The following UBE2L3 variants were observed in gnomAD, a reference collection of about 807,000 sequenced individuals.
UBE2L3 encodes ubiquitin conjugating enzyme E2 L3, also known as ubiquitin-conjugating enzyme E2 L3.
Under a neutral mutation model 17.8 loss-of-function variants are expected in UBE2L3, and 1 was observed. The ratio of observed to expected loss-of-function variants is 0.06; its 90% CI spans 0.02 to 0.27. The LOEUF is 0.27. Ranked by LOEUF, UBE2L3 falls within the 10% of genes least tolerant of loss-of-function variation. UBE2L3 has a pLI of 1.00. For missense variants in UBE2L3, 40 were observed against 192.6 expected, an observed-to-expected ratio of 0.21 and a Z score of 4.69; for synonymous variants, 44 against 68.5, an observed-to-expected ratio of 0.64 and a Z score of 1.76.
chr22:21,561,976 C>T (rs1568966257), intron 1 of UBE2L3, among the ~76,000 whole-genome samples: 2 of 152,104 alleles, frequency 1.3e-5, no homozygotes, highest in South Asian at 2.1e-4. Context: ...GTGTCCAGTG[C>T]CCATTTCCTG....
At position 21,586,281 on chromosome 22, in the gene UBE2L3, C is replaced by T. The variant is rs138663063; in HGVS notation, c.28-6580C>T. On this transcript the variant is annotated intron_variant, in intron 1 of 3. Transcript: ENST00000342192. ...TTTTATTTATTTTATTTTGTTGAGA[C>T]GGAGTCTCACTCTGGGAGTCTGCAC... is the stretch of plus-strand genomic sequence containing the variant. Among the ~76,000 whole-genome samples, 1,478 of 151,960 alleles carry T rather than the reference C, an allele frequency of 9.7e-3. 29 individuals are homozygous for T. The highest frequency in any genetic ancestry group is 0.034 in the African/African-American group (1,402 of 41,430).
chr22:21,587,457 G>A (rs1325044186), intron 1 of UBE2L3, among the ~76,000 whole-genome samples: 1 of 152,208 alleles, frequency 6.6e-6, no homozygotes, highest in African/African-American at 2.4e-5. Context: ...GGGATTACAG[G>A]TGTGAGCCAC....
chr22:21,577,592 G>A (rs1927385803), intron 1 of UBE2L3, among the ~76,000 whole-genome samples: 1 of 152,150 alleles, frequency 6.6e-6, no homozygotes, highest in African/African-American at 2.4e-5. Flanking sequence ...GTGGAGCCAG[G>A]CCCAACATCA....
At chr22:21,587,672 C>T (rs572084959) in intron 1 of UBE2L3, among the ~76,000 whole-genome samples, 4 of 152,330 alleles carry the variant, frequency 2.6e-5, no homozygotes, top group African/African-American at 7.2e-5. Flanking sequence ...TGGCTATATA[C>T]AGCAGTGTCC....
chr22:21,562,309 C>T (rs1926465498), intron 1 of UBE2L3, among the ~76,000 whole-genome samples: 1 of 151,368 alleles, frequency 6.6e-6, no homozygotes, highest in South Asian at 2.1e-4. Flanking sequence ...ATTCTCCTGC[C>T]TCAGTCTCCT....
At chr22:21,621,420 G>A (rs901106296) in intron 3 of UBE2L3, 95 bp from the exon 4 acceptor site, 56 of 1,438,254 alleles carry the variant, frequency 3.9e-5, no homozygotes, top group Non-Finnish European at 5.1e-5. Flanking sequence ...TAAATCAGTT[G>A]TAAAGCCAGA....
chr22:21,568,394 G>C, intron 1 of UBE2L3: 6 of 985,454 alleles, frequency 6.1e-6, no homozygotes, highest in Non-Finnish European at 7.2e-6. Context: ...TCCAACTCCA[G>C]GAAGGCCTGA....
chr22:21,614,277 C>CTT (rs779529633), intron 3 of UBE2L3, among the ~76,000 whole-genome samples: 30 of 152,138 alleles, frequency 2.0e-4, no homozygotes, highest in Non-Finnish European at 3.5e-4. Flanking sequence ...TCATTTGTTT[C>CTT]TTAAATATGG....
At chr22:21,587,251 C>T (rs1030278038) in intron 1 of UBE2L3, among the ~76,000 whole-genome samples, 1 of 148,778 alleles carries the variant, frequency 6.7e-6, no homozygotes, top group Non-Finnish European at 1.5e-5. Context: ...AGTGCAGTGG[C>T]GCGATCTCGG....
intron 1 of UBE2L3, among the ~76,000 whole-genome samples, chr22:21,556,614 CTTTTTTT>C (rs747912504): frequency 2.6e-4 from 37 of 144,458 alleles, no homozygotes; most frequent in East Asian, 1.6e-3. Flanking sequence ...TTTCTTTTTT[CTTTTTTT>C]TTTTTGTATT....
Position 21,574,612 on chromosome 22 carries a change from C to T in UBE2L3, c.27+6841C>T, listed in dbSNP as rs752688903. Among the ~76,000 whole-genome samples the T allele has an allele frequency of 2.0e-5, 3 of 152,290 alleles. No individual in the cohort carries two copies. The South Asian group carries it at 6.2e-4, about 32-fold the overall frequency. On this transcript the variant is annotated intron_variant, in intron 1 of 3. Transcript: ENST00000342192. ...AGCCCATTCTCTTACCTGTGGTACT[C>T]TCTTATTCTGTAGGTTGGAGAAAGA... is the stretch of plus-strand genomic sequence containing the variant.
chr22:21,556,390 C>T (rs1212875098), intron 1 of UBE2L3, among the ~76,000 whole-genome samples: 4 of 152,096 alleles, frequency 2.6e-5, no homozygotes, highest in Admixed American at 2.6e-4. Context: ...GAGACTCCAT[C>T]TCTAAAAAAA....
At chr22:21,595,105 G>C (rs1928446296) in intron 2 of UBE2L3, among the ~76,000 whole-genome samples, 1 of 152,204 alleles carries the variant, frequency 6.6e-6, no homozygotes, top group African/African-American at 2.4e-5. Flanking sequence ...AAAGGTGGAG[G>C]CTGGCTGGTA....
chr22:21,623,309 G>A lies in UBE2L3; in HGVS notation c.*1640G>A, dbSNP rs189974069. 1.7e-4 allele frequency: 26 copies of A among 152,782 alleles called. No homozygotes were observed. Among genetic ancestry groups the A allele is most frequent in the African/African-American group, 4.1e-4 (17 of 41,554 alleles). The allele number at this position is 152,782 out of a possible 1,614,324, so 9.5% of individuals were successfully genotyped here. A position where few individuals can be genotyped will look rare whatever the true frequency, so the allele number is the denominator to read the frequency against. On this transcript the variant is annotated 3_prime_UTR_variant, in exon 4 of 4. Transcript: ENST00000342192. The stretch of plus-strand genomic sequence containing the variant: ...GCCCCTGCGGTGTGTACACGAACTC[G>A]GCTTCTTTTGTCCTAGGTACGCCAA...
intron 3 of UBE2L3, among the ~76,000 whole-genome samples, chr22:21,618,324 G>A (rs1035393753): frequency 1.3e-5 from 2 of 152,086 alleles, no homozygotes; most frequent in African/African-American, 4.8e-5. Flanking sequence ...CAGCACTTTG[G>A]GAGGCGGAGG....
intron 3 of UBE2L3, chr22:21,614,427 C>CAAA: frequency 1.6e-5 from 7 of 433,804 alleles, no homozygotes; most frequent in Non-Finnish European, 2.5e-5. Context: ...CCGTCTGTAC[C>CAAA]AAAAAAAAAA....
intron 2 of UBE2L3, among the ~76,000 whole-genome samples, chr22:21,602,926 A>G (rs895890100): frequency 6.6e-6 from 1 of 152,180 alleles, no homozygotes; most frequent in Non-Finnish European, 1.5e-5. Flanking sequence ...GTCTCAGGCC[A>G]GTCACTCAAT....
chr22:21,588,831 T>C (rs1389503927), intron 1 of UBE2L3, among the ~76,000 whole-genome samples: 1 of 151,662 alleles, frequency 6.6e-6, no homozygotes, highest in Admixed American at 6.6e-5. Flanking sequence ...CCCGGCTAAT[T>C]TTTTGTATTT....
chr22:21,589,142 ATTT>A (rs768593270), intron 1 of UBE2L3, among the ~76,000 whole-genome samples: 5 of 111,698 alleles, frequency 4.5e-5, no homozygotes, highest in Non-Finnish European at 7.1e-5. Flanking sequence ...CATGATTGGA[ATTT>A]TTTTTTTTTT....
Sources: allele counts gnomAD v4.1 joint callset (sites outside exome capture counted in the v4.1 genomes callset), GRCh38; gene constraint gnomAD v4.1.1; transcripts MANE v1.5; gene names NCBI Gene and HGNC (gene_info 2026-07-23, HGNC 2026-07-21).